The following CDH18 variants were observed in gnomAD, a reference collection of about 807,000 sequenced individuals.
CDH18 encodes cadherin 18.
Under a neutral mutation model 67.9 loss-of-function variants are expected in CDH18, and 31 were observed. The ratio of observed to expected loss-of-function variants is 0.46; its 90% CI spans 0.34 to 0.62. The LOEUF is 0.62. Ranked by LOEUF, CDH18 falls within the 20% of genes least tolerant of loss-of-function variation. The probability of loss-of-function intolerance (pLI) is 0.01; values close to 1 mark genes in which losing one functional copy is unlikely to be tolerated. For missense variants in CDH18, 890 were observed against 975.5 expected (o/e 0.91, Z 1.17); for synonymous variants, 362 against 347.2 (o/e 1.04, Z -0.48).
chr5:19,732,362 G>A (rs1237264699), intron 4 of CDH18, among the ~76,000 whole-genome samples: 2 of 152,076 alleles, frequency 1.3e-5, no homozygotes, highest in African/African-American at 2.4e-5. Flanking sequence ...GCTGAGGCAG[G>A]AGGGTCTTGA....
intron 2 of CDH18, among the ~76,000 whole-genome samples, chr5:19,956,514 G>C (rs905205236): frequency 2.0e-5 from 3 of 151,508 alleles, no homozygotes; most frequent in African/African-American, 7.3e-5. Context: ...TTCTGTACAG[G>C]ATTGCCAACA....
At chr5:19,493,910 A>C (rs1036712890) in intron 11 of CDH18, among the ~76,000 whole-genome samples, 1 of 152,124 alleles carries the variant, frequency 6.6e-6, no homozygotes, top group Non-Finnish European at 1.5e-5. Context: ...TAAATAATAC[A>C]GTTGTTGTTT....
intron 3 of CDH18, among the ~76,000 whole-genome samples, chr5:19,804,898 T>G (rs187731739): frequency 1.3e-5 from 2 of 151,970 alleles, no homozygotes; most frequent in Admixed American, 6.6e-5. Context: ...CAGGAGAAAA[T>G]AGCCACCTAG....
chr5:20,455,456 A>C (rs1048379442), intron 1 of CDH18, among the ~76,000 whole-genome samples: 2 of 152,100 alleles, frequency 1.3e-5, no homozygotes, highest in African/African-American at 2.4e-5. Context: ...TAGGCAGGAC[A>C]ACATGAAAAG....
At chr5:19,489,957 T>G (rs1401379789) in intron 11 of CDH18, among the ~76,000 whole-genome samples, 1 of 151,550 alleles carries the variant, frequency 6.6e-6, no homozygotes, top group Non-Finnish European at 1.5e-5. Context: ...ATATAATAAC[T>G]GCAGAAGTAG....
intron 7 of CDH18, among the ~76,000 whole-genome samples, chr5:19,588,526 T>A (rs547728948): frequency 2.7e-3 from 415 of 152,180 alleles, no homozygotes; most frequent in Middle Eastern, 6.8e-3. Context: ...AGCATCATAA[T>A]GACTGGATCA....
intron 5 of CDH18, among the ~76,000 whole-genome samples, chr5:19,638,134 A>C (rs942112742): frequency 3.3e-5 from 5 of 152,232 alleles, no homozygotes; most frequent in Non-Finnish European, 5.9e-5. Context: ...AATACATAAC[A>C]AGTCGACAGT....
chr5:20,498,689 T>A (rs527517053), intron 1 of CDH18, among the ~76,000 whole-genome samples: 4 of 152,192 alleles, frequency 2.6e-5, no homozygotes, highest in Admixed American at 2.6e-4. Context: ...TTAAAACTGT[T>A]CTTATTCTAT....
intron 2 of CDH18, among the ~76,000 whole-genome samples, chr5:20,192,032 C>A (rs1316494770): frequency 6.6e-6 from 1 of 152,024 alleles, no homozygotes; most frequent in East Asian, 1.9e-4. Context: ...GGTTTCCTGA[C>A]TTTTTAATAA....
intron 1 of CDH18, among the ~76,000 whole-genome samples, chr5:20,432,987 T>C (rs892092303): frequency 6.8e-6 from 1 of 147,728 alleles, no homozygotes; most frequent in Non-Finnish European, 1.5e-5. Context: ...AATAAATGTA[T>C]GTATACTATT....
At chr5:20,242,616 ATATATATATATATATATG>A (rs1743038593) in intron 2 of CDH18, among the ~76,000 whole-genome samples, 9 of 122,362 alleles carry the variant, frequency 7.4e-5, no homozygotes, top group Admixed American at 4.2e-4. Flanking sequence ...AAAAAAATAT[ATATATATATATATATATG>A]TATATATATA....
chr5:20,433,415 T>A (rs1748926148), intron 1 of CDH18, among the ~76,000 whole-genome samples: 1 of 152,048 alleles, frequency 6.6e-6, no homozygotes, highest in South Asian at 2.1e-4. Context: ...AAGTTTCCTC[T>A]TTTTGGACAA....
chr5:20,495,713 G>A (rs2126410683), intron 1 of CDH18, among the ~76,000 whole-genome samples: 1 of 152,156 alleles, frequency 6.6e-6, no homozygotes, highest in East Asian at 1.9e-4. Context: ...CATAATCTCT[G>A]TTTAATAAAA....
At chr5:20,333,524 T>TACACAC (rs1464026115) in intron 1 of CDH18, among the ~76,000 whole-genome samples, 1,816 of 103,306 alleles carry the variant, frequency 0.018, 32 homozygotes, top group African/African-American at 0.057. Context: ...AAAAACAATA[T>TACACAC]ATATACACAC....
intron 2 of CDH18, among the ~76,000 whole-genome samples, chr5:20,150,477 T>G (rs1317949766): frequency 6.6e-6 from 1 of 152,048 alleles, no homozygotes; most frequent in African/African-American, 2.4e-5. Context: ...AAAAAAGTAA[T>G]TATTATACAA....
intron 1 of CDH18, among the ~76,000 whole-genome samples, chr5:20,325,730 C>T (rs1738506630): frequency 6.6e-6 from 1 of 151,842 alleles, no homozygotes; most frequent in Non-Finnish European, 1.5e-5. Flanking sequence ...ATTTTATCAC[C>T]TTCTTTCCCT....
intron 12 of CDH18, among the ~76,000 whole-genome samples, chr5:19,480,350 A>ATTTT (rs1356488473): frequency 7.3e-6 from 1 of 136,710 alleles, no homozygotes; most frequent in Non-Finnish European, 1.6e-5. Context: ...TATAAAGTTT[A>ATTTT]TTTTATTTAT....
chr5:19,778,479 A>C (rs943401175), intron 3 of CDH18, among the ~76,000 whole-genome samples: 3 of 152,190 alleles, frequency 2.0e-5, no homozygotes, highest in African/African-American at 7.2e-5. Context: ...ATGAACTTAT[A>C]AATGACCTTA....
chr5:20,118,858 G>T (rs1232156124), intron 2 of CDH18, among the ~76,000 whole-genome samples: 1 of 152,012 alleles, frequency 6.6e-6, no homozygotes, highest in African/African-American at 2.4e-5. Flanking sequence ...CACACAACAG[G>T]CTCGTAAGTG....
Sources: gnomAD v4.1 joint callset for allele counts (sites outside exome capture counted in the v4.1 genomes callset) on GRCh38, gnomAD v4.1.1 for gene constraint, MANE v1.5 for transcripts, NCBI Gene and HGNC (gene_info 2026-07-23, HGNC 2026-07-21) for gene names.